Variants in TENM4 observed in about 807,000 individuals in gnomAD.
The protein encoded by TENM4 is teneurin-4.
TENM4 carries 82 observed loss-of-function variants against 243.3 expected under a neutral mutation model. That is an observed-to-expected ratio of 0.34 (90% confidence interval 0.28 to 0.40). The LOEUF is 0.40. Among genes scored for constraint, TENM4 ranks in the 10% least tolerant of loss-of-function variants. The pLI is 1.00. For synonymous variants in TENM4, 1,412 were observed against 1,456.3 expected (o/e 0.97, Z 0.69); for missense variants, 3,138 against 3,673.3 (o/e 0.85, Z 3.77).
intron 6 of TENM4, among the ~76,000 whole-genome samples, chr11:79,034,367 A>G (rs2136869553): frequency 6.6e-6 from 1 of 152,260 alleles, no homozygotes; most frequent in East Asian, 1.9e-4. Context: ...AATTTGTAGC[A>G]TCCTTAACTA....
chr11:78,877,251 A>G (rs1003969227), intron 9 of TENM4, among the ~76,000 whole-genome samples: 1 of 152,022 alleles, frequency 6.6e-6, no homozygotes, highest in Non-Finnish European at 1.5e-5. Context: ...TCTTCCTCTC[A>G]CTGCTCCCTT....
intron 1 of TENM4, among the ~76,000 whole-genome samples, chr11:79,434,543 G>A (rs767568194): frequency 2.0e-5 from 3 of 152,188 alleles, no homozygotes; most frequent in Non-Finnish European, 2.9e-5. Flanking sequence ...GCTGGCTGAA[G>A]CACTCCAGAA....
intron 2 of TENM4, among the ~76,000 whole-genome samples, chr11:79,284,910 A>G (rs1856221875): frequency 6.6e-6 from 1 of 152,208 alleles, no homozygotes; most frequent in Non-Finnish European, 1.5e-5. Context: ...TCTCCAAAGA[A>G]GACAAGAAAA....
At chr11:79,081,287 A>T (rs993947006) in intron 4 of TENM4, among the ~76,000 whole-genome samples, 2 of 152,178 alleles carry the variant, frequency 1.3e-5, no homozygotes, top group African/African-American at 2.4e-5. Flanking sequence ...TTAGGCCCAG[A>T]GAAGATGCTC....
intron 6 of TENM4, among the ~76,000 whole-genome samples, chr11:78,995,126 T>C (rs1206547799): frequency 3.9e-5 from 6 of 152,074 alleles, no homozygotes; most frequent in African/African-American, 9.7e-5. Flanking sequence ...TTTCCTAGAA[T>C]GAGTAAGAGT....
chr11:79,159,429 GAATA>G (rs1862695110), intron 3 of TENM4, among the ~76,000 whole-genome samples: 1 of 152,112 alleles, frequency 6.6e-6, no homozygotes, highest in African/African-American at 2.4e-5. Flanking sequence ...GAAATAAAAA[GAATA>G]AATTGCCCAA....
intron 6 of TENM4, among the ~76,000 whole-genome samples, chr11:78,965,052 G>C (rs1857408559): frequency 1.3e-5 from 2 of 151,958 alleles, no homozygotes; most frequent in African/African-American, 4.8e-5. Flanking sequence ...ATTTTTAGTA[G>C]AGACGGGGTT....
chr11:78,799,593 T>C (rs1319700534), intron 15 of TENM4, among the ~76,000 whole-genome samples: 2 of 152,268 alleles, frequency 1.3e-5, no homozygotes, highest in Non-Finnish European at 2.9e-5. Context: ...GCAAGGCAGG[T>C]GTCATTAGCC....
In TENM4 at chr11:78,956,832, C is replaced by T. The variant is rs114469073; in HGVS notation, c.494-53309G>A. Reference sequence around the variant, plus strand: ...CATGAGTATAAGTATTCATGTTTCACGGCAGAAATAGTGATGTGTTTGATT... The same window carrying T: ...CATGAGTATAAGTATTCATGTTTCATGGCAGAAATAGTGATGTGTTTGATT... On this transcript the variant is annotated intron_variant, in intron 6 of 33. Coordinates refer to ENST00000278550, the MANE Select transcript of TENM4 (RefSeq NM_001098816.3). Among the ~76,000 whole-genome samples the T allele has an allele frequency of 3.9e-4, 59 of 152,248 alleles. 1 individual carries two copies. In the South Asian group the frequency reaches 9.6e-3, roughly 25 times the overall value.
intron 2 of TENM4, among the ~76,000 whole-genome samples, chr11:79,286,323 G>A (rs932226307): frequency 2.6e-5 from 4 of 152,054 alleles, no homozygotes; most frequent in African/African-American, 9.7e-5. Context: ...TTCTGGGTAA[G>A]TGGCTTCACG....
chr11:78,676,449 C>CA, intron 29 of TENM4, 62 bp from the exon 30 acceptor site: 1 of 1,398,042 alleles, frequency 7.2e-7, no homozygotes, highest in African/African-American at 1.4e-5. Flanking sequence ...GGTGTGAGGA[C>CA]AGCAGAGGCG....
intron 7 of TENM4, among the ~76,000 whole-genome samples, chr11:78,902,776 AGACT>A (rs1206494835): frequency 1.3e-5 from 2 of 152,124 alleles, no homozygotes; most frequent in Non-Finnish European, 2.9e-5. Context: ...AGAGGTGGGG[AGACT>A]GACATAGCTG....
At chr11:79,424,145 G>C (rs558931716) in intron 1 of TENM4, among the ~76,000 whole-genome samples, 1 of 152,290 alleles carries the variant, frequency 6.6e-6, no homozygotes, top group African/African-American at 2.4e-5. Context: ...GGACAATCTT[G>C]GCAATTCTTT....
Position 78,658,095 on chromosome 11 carries a change from A to T in TENM4, c.8273T>A (p.Ile2758Asn). 6.2e-7 allele frequency: 1 copy of T among 1,613,678 alleles called. No homozygotes were observed. The highest frequency in any genetic ancestry group is 8.5e-7 in the Non-Finnish European group (1 of 1,179,736). ...CATCTCGCTCTGTCTCATGAAGTGG[A>T]TGTTGTTGGCGCTGTCTGACAGTTC... ...YPELSDSANN[I>N]HFMRQSEMGR... Residue 2758 changes from isoleucine (I) to asparagine (N), a missense_variant, in exon 34 of 34, where the codon ATC (isoleucine) becomes AAC (asparagine). Physicochemically the swap from Ile to Asn is moderately radical, Grantham distance 149 (BLOSUM62 -3). Transcript: ENST00000278550.
At chr11:78,699,892 T>C (rs1859063873) in intron 28 of TENM4, among the ~76,000 whole-genome samples, 1 of 152,238 alleles carries the variant, frequency 6.6e-6, no homozygotes, top group Non-Finnish European at 1.5e-5. Context: ...ATTGGCTAAA[T>C]AATGTATAAG....
chr11:78,903,625 G>A (rs539646717), intron 6 of TENM4, 102 bp from the exon 7 acceptor site: 3 of 1,501,746 alleles, frequency 2.0e-6, no homozygotes, highest in Admixed American at 2.1e-5. Flanking sequence ...AGAGGGAGCC[G>A]GCAGATTATA....
intron 4 of TENM4, among the ~76,000 whole-genome samples, chr11:79,103,273 C>T (rs1261284795): frequency 6.6e-6 from 1 of 152,164 alleles, no homozygotes; most frequent in Non-Finnish European, 1.5e-5. Flanking sequence ...GGGATTTACC[C>T]AGCATGGATC....
At chr11:78,946,456 A>G (rs1201830699) in intron 6 of TENM4, among the ~76,000 whole-genome samples, 1 of 152,234 alleles carries the variant, frequency 6.6e-6, no homozygotes, top group Non-Finnish European at 1.5e-5. Flanking sequence ...TGGTCACCCA[A>G]GAGCTCTGAT....
chr11:79,357,707 A>T (rs59507069), intron 1 of TENM4, among the ~76,000 whole-genome samples: 25 of 152,352 alleles, frequency 1.6e-4, no homozygotes, highest in African/African-American at 6.0e-4. Context: ...TTTCAAAAAC[A>T]ACCACCATTC....
Sources: allele counts gnomAD v4.1 joint callset (sites outside exome capture counted in the v4.1 genomes callset), GRCh38; gene constraint gnomAD v4.1.1; transcripts MANE v1.5; gene names NCBI Gene and HGNC (gene_info 2026-07-23, HGNC 2026-07-21).